The following TAF4 variants were observed in gnomAD, a reference collection of about 807,000 sequenced individuals.
TAF4 encodes TATA-box binding protein associated factor 4, also known as transcription initiation factor TFIID subunit 4.
In TAF4, 9 loss-of-function variants were observed where a neutral mutation model predicts 90.3. The ratio of observed to expected loss-of-function variants is 0.10; its 90% confidence interval spans 0.06 to 0.17. The LOEUF is 0.17. Ranked by LOEUF, TAF4 falls within the 10% of genes least tolerant of loss-of-function variation. The pLI, the probability that TAF4 is intolerant of heterozygous loss-of-function variation, is 1.00. For missense variants in TAF4, 1,351 were observed against 1,370.7 expected (o/e 0.99, Z 0.23); for synonymous variants, 818 against 638.9 (o/e 1.28, Z -4.23).
intron 1 of TAF4, among the ~76,000 whole-genome samples, chr20:62,030,865 G>T (rs2055900940): frequency 1.3e-5 from 2 of 152,168 alleles, no homozygotes; most frequent in Admixed American, 6.5e-5. Context: ...CCTGATTCAG[G>T]AGGCTCTCCG....
At chr20:61,994,036 G>A (rs993239855) in intron 14 of TAF4, among the ~76,000 whole-genome samples, 1 of 151,578 alleles carries the variant, frequency 6.6e-6, no homozygotes, top group African/African-American at 2.4e-5. Context: ...CAACGTTCTA[G>A]TTCTCGAACT....
In TAF4 at chr20:62,000,145, C is replaced by T; in HGVS notation, c.2766G>A (p.Gln922=). 5 of 1,614,244 alleles carry T rather than the reference C, an allele frequency of 3.1e-6. No individual in the cohort carries two copies. The highest frequency in any genetic ancestry group is 4.2e-6 in the Non-Finnish European group (5 of 1,180,036). The change falls in exon 11 of 15, where the codon CAG becomes CAA. Residue 922 remains glutamine, a synonymous_variant. Coordinates refer to ENST00000252996, the MANE Select transcript of TAF4 (RefSeq NM_003185.4). ...TTACCTTGTAAGAAAAGTTCTTCTG[C>T]TGAGCTGTTTCTGATATTTTCTCTA... ...NLVEKISETA[Q]QKNFSYKDDD...
At chr20:62,037,399 T>TA (rs2055938277) in intron 1 of TAF4, 1 of 152,414 alleles carries the variant, frequency 6.6e-6, no homozygotes, top group African/African-American at 2.4e-5. Flanking sequence ...CAATTTTTTT[T>TA]ATTTTAATTG....
rs768373238 is a variant in TAF4, at chr20:62,065,846, G to A, written c.-36C>T. On this transcript the variant is annotated 5_prime_UTR_variant, in exon 1 of 15. Transcript: ENST00000252996. Reference sequence around the variant, plus strand: ...CGGCCGCCGCCGCCGCCGCCGCTCGGGCCGAGCGCGCCTGGGCGAGGAGGA... The same window carrying A: ...CGGCCGCCGCCGCCGCCGCCGCTCGAGCCGAGCGCGCCTGGGCGAGGAGGA... 8.1e-6 allele frequency: 10 copies of A among 1,227,464 alleles called. No individual in the cohort carries two copies. The highest frequency in any genetic ancestry group is 9.4e-6 in the Non-Finnish European group (9 of 960,504). The allele number at this position is 1,227,464 out of a possible 1,614,324, so 76.0% of individuals were successfully genotyped here.
At chr20:61,977,020 G>A (rs2055498960) in intron 14 of TAF4, among the ~76,000 whole-genome samples, 1 of 152,174 alleles carries the variant, frequency 6.6e-6, no homozygotes, top group Non-Finnish European at 1.5e-5. Flanking sequence ...ACACCTGCAT[G>A]ACACCGCCCA....
chr20:62,053,285 G>C (rs1472081191), intron 1 of TAF4, among the ~76,000 whole-genome samples: 1 of 151,680 alleles, frequency 6.6e-6, no homozygotes, highest in Non-Finnish European at 1.5e-5. Flanking sequence ...CGGCGGCCCT[G>C]AGTGCAAGCA....
At chr20:62,046,676 C>T (rs1364375983) in intron 1 of TAF4, among the ~76,000 whole-genome samples, 4 of 152,202 alleles carry the variant, frequency 2.6e-5, no homozygotes, top group Admixed American at 6.5e-5. Flanking sequence ...TAACTTTTTA[C>T]GCTTCTCCTA....
chr20:61,995,416 G>A lies in TAF4; in HGVS notation c.3090+2134C>T, dbSNP rs1459819516. Among the ~76,000 whole-genome samples, 8 of 152,280 alleles carry A rather than the reference G, an allele frequency of 5.3e-5. 1 individual carries two copies. The South Asian group carries it at 1.0e-3, about 20-fold the overall frequency. On this transcript the variant is annotated intron_variant, in intron 14 of 14. Coordinates refer to ENST00000252996, the MANE Select transcript of TAF4 (RefSeq NM_003185.4). ...CAGAAATCCATCTGCCAAGGACCTC[G>A]TAGACACATCAGTAGACATCTTCCA...
chr20:62,014,482 A>G, intron 2 of TAF4, 65 bp downstream of exon 2: 1 of 1,480,242 alleles, frequency 6.8e-7, no homozygotes, highest in Non-Finnish European at 9.0e-7. Flanking sequence ...AGGTTTCCCC[A>G]GCATGCGTGG....
Position 62,012,892 on chromosome 20 carries a change from T to C in TAF4, c.1564A>G (p.Thr522Ala), listed in dbSNP as rs778232231. ...GCCTGAGACACTTGCTTAATTATGG[T>C]AGTTGGGGTCACCTGCCGTGCAATG... ...PIIARQVTPT[T>A]IIKQVSQAQT... Residue 522 changes from threonine to alanine, a missense_variant, in exon 3 of 15, where the codon ACC becomes GCC. This residue lies in a region of TAF4 where 143 missense variants were observed against 176.3 expected (regional missense o/e 0.81). Transcript: ENST00000252996. The C allele has an allele frequency of 1.9e-6, 3 of 1,613,902 alleles. No homozygotes were observed. In the Admixed American group the frequency reaches 5.0e-5, roughly 27 times the overall value.
chr20:62,002,367 C>T (rs1183979335), intron 9 of TAF4, among the ~76,000 whole-genome samples: 6 of 152,150 alleles, frequency 3.9e-5, no homozygotes, highest in Admixed American at 2.0e-4. Context: ...ATACACACAA[C>T]TCCACCGCCC....
chr20:62,029,860 C>T (rs937399953), intron 1 of TAF4, among the ~76,000 whole-genome samples: 1 of 152,108 alleles, frequency 6.6e-6, no homozygotes, highest in African/African-American at 2.4e-5. Context: ...GAGCCGAGAT[C>T]GCGCCACTGC....
At chr20:62,015,605 C>T (rs575111817) in intron 1 of TAF4, among the ~76,000 whole-genome samples, 27 of 152,330 alleles carry the variant, frequency 1.8e-4, no homozygotes, top group African/African-American at 6.5e-4. Flanking sequence ...CCGGCCGTCC[C>T]CACCACCCAT....
chr20:62,020,661 G>C (rs983474998), intron 1 of TAF4, among the ~76,000 whole-genome samples: 1 of 152,184 alleles, frequency 6.6e-6, no homozygotes, highest in Non-Finnish European at 1.5e-5. Context: ...GGAAGGCCCA[G>C]CATCAACCCA....
chr20:62,054,649 C>T (rs1188705299), intron 1 of TAF4, among the ~76,000 whole-genome samples: 3 of 152,178 alleles, frequency 2.0e-5, no homozygotes, highest in Non-Finnish European at 2.9e-5. Flanking sequence ...CACCACCCCA[C>T]TCCCAGCACT....
chr20:62,065,277 G>C lies in TAF4; in HGVS notation c.534C>G (p.Pro178=), dbSNP rs1195958803. ...CAGGGCCAGGGCCGGGGCCGGGGCC[G>C]GGGCCGGGCCCGGGGCCGGGGCCGG... ...ARAGPGPGPG[P]GPGPGPGPGK... is the part of the protein sequence containing the mutation. The change falls in exon 1 of 15, where the codon CCC becomes CCG. Residue 178 remains proline (P), a synonymous_variant. Transcript: ENST00000252996. 6.4e-6 allele frequency: 6 copies of C among 931,704 alleles called. No homozygotes were observed. Among genetic ancestry groups the C allele is most frequent in the Non-Finnish European group, 7.6e-6 (6 of 788,782 alleles). 57.7% of individuals were successfully genotyped at this position (931,704 alleles called of 1,614,324 possible).
chr20:62,003,114 T>C (rs776792790), intron 9 of TAF4, 46 bp downstream of exon 9: 2 of 1,546,582 alleles, frequency 1.3e-6, no homozygotes, highest in East Asian at 4.5e-5. Flanking sequence ...TGGACTCTTC[T>C]CCGCTCTGGC....
intron 1 of TAF4, among the ~76,000 whole-genome samples, chr20:62,057,266 G>A (rs1192729897): frequency 2.0e-5 from 3 of 152,146 alleles, no homozygotes; most frequent in Non-Finnish European, 4.4e-5. Context: ...CACACCCAGC[G>A]CCCAGAGAAG....
Position 61,998,208 on chromosome 20 carries a change from G to T in TAF4, c.2914-16C>A. Reference sequence around the variant, plus strand: ...TTGACCGAGACTATTTTTGAAAGAGGCAGAAAAGAAAAGTAAGTTATGAAC... The same window carrying T: ...TTGACCGAGACTATTTTTGAAAGAGTCAGAAAAGAAAAGTAAGTTATGAAC... On this transcript the variant is annotated splice_polypyrimidine_tract_variant and intron_variant, in intron 12 of 14. Transcript: ENST00000252996. 6.2e-7 allele frequency: 1 copy of T among 1,610,872 alleles called. No individual in the cohort carries two copies.
Sources: allele counts gnomAD v4.1 joint callset (sites outside exome capture counted in the v4.1 genomes callset), GRCh38; gene constraint gnomAD v4.1.1; regional missense constraint gnomAD v4.1.1; transcripts MANE v1.5; gene names NCBI Gene and HGNC (gene_info 2026-07-23, HGNC 2026-07-21).